SCEL: variants seen among roughly 807,000 people sequenced by gnomAD.
SCEL encodes the protein sciellin.
Under a neutral mutation model 117.6 loss-of-function variants are expected in SCEL, and 113 were observed. The observed-to-expected ratio is 0.96, with a 90% CI of 0.83 to 1.12. The LOEUF (loss-of-function observed/expected upper bound fraction) is 1.12, where lower values mean the gene tolerates loss of function less well. SCEL is among the 50% of genes most tolerant of loss of function. SCEL has a pLI of 0.00. For missense variants in SCEL, 785 were observed against 810.8 expected, an observed-to-expected ratio of 0.97 and a Z score of 0.39; for synonymous variants, 270 against 256.2, an observed-to-expected ratio of 1.05 and a Z score of -0.51.
chr13:77,570,842 TTTC>T (rs1445792609), intron 8 of SCEL, among the ~76,000 whole-genome samples: 3 of 152,094 alleles, frequency 2.0e-5, no homozygotes, highest in Non-Finnish European at 4.4e-5. Flanking sequence ...TTTCTATCAG[TTTC>T]TTTTCTTTTT....
chr13:77,556,865 T>C (rs545729599), intron 3 of SCEL, 152 bp downstream of exon 3: 1 of 625,294 alleles, frequency 1.6e-6, no homozygotes, highest in South Asian at 1.9e-5. Flanking sequence ...TAAGCACAAA[T>C]AGGTTACATA....
In SCEL at chr13:77,581,537, C is replaced by CA. The variant is rs1567376662; in HGVS notation, c.546-7607_546-7606insA. Among the ~76,000 whole-genome samples the CA allele has an allele frequency of 1.4e-4, 21 of 152,212 alleles. No individual in the cohort carries two copies. The East Asian group carries it at 4.1e-3, about 29-fold the overall frequency. On this transcript the variant is annotated intron_variant, in intron 9 of 32. Transcript: ENST00000349847. ...CCTCTCTTGGAGCTCTTGTTGCCTC[C>CA]GCCCCTGCCAGGGGGGCTCCTGGAA...
chr13:77,639,244 A>G (rs2090446706), intron 30 of SCEL, among the ~76,000 whole-genome samples: 1 of 152,196 alleles, frequency 6.6e-6, no homozygotes, highest in Non-Finnish European at 1.5e-5. Context: ...ATTTAAGTGT[A>G]TGCATACATA....
chr13:77,567,784 T>C, intron 6 of SCEL, 36 bp downstream of exon 6: 1 of 1,345,260 alleles, frequency 7.4e-7, no homozygotes, highest in Non-Finnish European at 1.0e-6. Flanking sequence ...AAGGCTCAAG[T>C]ATAATATTTT....
intron 30 of SCEL, among the ~76,000 whole-genome samples, chr13:77,640,362 G>A (rs2090501532): frequency 6.6e-6 from 1 of 152,066 alleles, no homozygotes. Flanking sequence ...GTACTTCTGA[G>A]GAGTACTTGA....
At position 77,612,923 on chromosome 13, in the gene SCEL, T is replaced by A; in HGVS notation, c.1370T>A (p.Ile457Asn). ...NQDLENLIKV[I>N]PSANKSSEQG... ...GACTTGGAAAATCTTATCAAAGTGA[T>A]CCCTTCAGCAAACAAAAGGTAAACT... is the stretch of plus-strand genomic sequence containing the variant. Residue 457 changes from isoleucine to asparagine, a missense_variant, in exon 23 of 33, where the codon ATC becomes AAC. Physicochemically the swap from Ile to Asn is moderately radical, Grantham distance 149. Transcript: ENST00000349847. 2 of 1,564,390 alleles carry A rather than the reference T, an allele frequency of 1.3e-6. No homozygotes were observed. Among genetic ancestry groups the A allele is most frequent in the Non-Finnish European group, 1.7e-6 (2 of 1,156,760 alleles).
intron 1 of SCEL, among the ~76,000 whole-genome samples, chr13:77,539,352 A>G (rs1237265854): frequency 1.3e-5 from 2 of 151,806 alleles, no homozygotes; most frequent in African/African-American, 4.8e-5. Context: ...ACAAAAATAT[A>G]AAAATCTAGA....
chr13:77,553,163 A>G (rs1255782906), intron 1 of SCEL, among the ~76,000 whole-genome samples: 2 of 152,244 alleles, frequency 1.3e-5, no homozygotes, highest in Non-Finnish European at 2.9e-5. Flanking sequence ...TGACTTGGCC[A>G]ATAACAAGCA....
intron 4 of SCEL, 109 bp downstream of exon 4, chr13:77,559,972 C>G: frequency 4.3e-6 from 4 of 923,168 alleles, no homozygotes; most frequent in Admixed American, 1.9e-5. Context: ...GGGCTTTCCC[C>G]GATGTTCTGG....
At chr13:77,551,361 G>A (rs1460695763) in intron 1 of SCEL, among the ~76,000 whole-genome samples, 1 of 152,192 alleles carries the variant, frequency 6.6e-6, no homozygotes, top group Non-Finnish European at 1.5e-5. Flanking sequence ...GTAGACCAAA[G>A]CTCTTTGAAT....
chr13:77,539,541 A>G (rs1008589742), intron 1 of SCEL, among the ~76,000 whole-genome samples: 1 of 145,942 alleles, frequency 6.9e-6, no homozygotes, highest in Admixed American at 6.9e-5. Context: ...TTAGAAAATA[A>G]TTTTTTTTTT....
intron 27 of SCEL, among the ~76,000 whole-genome samples, chr13:77,623,895 T>G (rs2089567472): frequency 1.3e-5 from 2 of 152,162 alleles, no homozygotes; most frequent in Admixed American, 1.3e-4. Context: ...AGACCTGTAT[T>G]TATTTGTTAG....
chr13:77,535,974 G>A (rs1026491430), intron 1 of SCEL, 150 bp downstream of exon 1: 1 of 152,068 alleles, frequency 6.6e-6, no homozygotes, highest in Non-Finnish European at 1.5e-5. Context: ...CTGGCTGTTA[G>A]CTCTGCTCTT....
chr13:77,611,025 C>T (rs1309718012), intron 22 of SCEL, among the ~76,000 whole-genome samples: 2 of 152,146 alleles, frequency 1.3e-5, no homozygotes, highest in African/African-American at 4.8e-5. Context: ...CTTCTCTCAG[C>T]AGATTTCCTA....
At chr13:77,558,501 C>A (rs1377642021) in intron 3 of SCEL, among the ~76,000 whole-genome samples, 1 of 152,012 alleles carries the variant, frequency 6.6e-6, no homozygotes, top group Non-Finnish European at 1.5e-5. Context: ...TACTACAGTT[C>A]TTTTATAGCT....
At chr13:77,576,197 T>A (rs797004113) in intron 9 of SCEL, among the ~76,000 whole-genome samples, 4 of 152,316 alleles carry the variant, frequency 2.6e-5, no homozygotes, top group African/African-American at 9.6e-5. Flanking sequence ...CAGCTCTCCC[T>A]AAGTCACTGA....
intron 1 of SCEL, 102 bp from the exon 2 acceptor site, chr13:77,555,755 C>G: frequency 1.3e-6 from 1 of 784,216 alleles, no homozygotes; most frequent in Non-Finnish European, 2.2e-6. Flanking sequence ...GATCCTGTGA[C>G]TATGTCACTG....
In SCEL at chr13:77,561,335, A is replaced by G. The variant is rs116090980; in HGVS notation, c.221+1472A>G. Among the ~76,000 whole-genome samples, 1,334 of 152,342 alleles carry G rather than the reference A, an allele frequency of 8.8e-3. 20 individuals carry two copies. The highest frequency in any genetic ancestry group is 0.03 in the African/African-American group (1,230 of 41,576). ...CTTTCATGCTTATTTCATATTTTAA[A>G]TTGTATTCGTTTCCTGAACCCTTCC... On this transcript the variant is annotated intron_variant, in intron 4 of 32. Coordinates refer to ENST00000349847, the MANE Select transcript of SCEL (RefSeq NM_144777.3).
At chr13:77,544,014 C>T (rs1055527132) in intron 1 of SCEL, among the ~76,000 whole-genome samples, 2 of 152,096 alleles carry the variant, frequency 1.3e-5, no homozygotes, top group African/African-American at 2.4e-5. Context: ...CCTATCCTTC[C>T]GCAAGAAGAC....
Sources: allele counts gnomAD v4.1 joint callset (sites outside exome capture counted in the v4.1 genomes callset), GRCh38; gene constraint gnomAD v4.1.1; transcripts MANE v1.5; gene names NCBI Gene and HGNC (gene_info 2026-07-23, HGNC 2026-07-21).